EPM2A: variants seen among roughly 807,000 people sequenced by gnomAD.
EPM2A encodes laforin.
A neutral mutation model predicts 26.5 loss-of-function variants in EPM2A; 21 were observed. That is an observed-to-expected ratio of 0.79 (90% CI 0.56 to 1.14). EPM2A has a LOEUF of 1.14. EPM2A is among the 50% of genes most tolerant of loss of function. EPM2A has a pLI of 0.00. For missense variants in EPM2A, 458 were observed against 440.8 expected (o/e 1.04, Z -0.35); for synonymous variants, 217 against 177.6 (o/e 1.22, Z -1.76).
intron 4 of EPM2A, among the ~76,000 whole-genome samples, chr6:145,441,205 G>T (rs568760121): frequency 9.9e-5 from 15 of 152,176 alleles, no homozygotes; most frequent in African/African-American, 3.4e-4. Flanking sequence ...AAGGCTTGGC[G>T]CTTGCACCCT....
At chr6:145,670,849 A>C (rs1220674294) in intron 2 of EPM2A, 1 of 944,972 alleles carries the variant, frequency 1.1e-6, no homozygotes, top group African/African-American at 1.8e-5. Flanking sequence ...ATTCAGATAG[A>C]AAAAAGGTAC....
chr6:145,660,124 T>C (rs1440825623), intron 2 of EPM2A, among the ~76,000 whole-genome samples: 1 of 152,214 alleles, frequency 6.6e-6, no homozygotes. Flanking sequence ...ATATTTTATT[T>C]GTCTCTAGCA....
At chr6:145,592,103 T>G (rs1243969312) in intron 2 of EPM2A, among the ~76,000 whole-genome samples, 1 of 151,756 alleles carries the variant, frequency 6.6e-6, no homozygotes, top group Non-Finnish European at 1.5e-5. Flanking sequence ...GTTGGTGTGC[T>G]GCACCCGTTA....
rs913669687 is a variant in EPM2A, at chr6:145,396,715, A to G, written c.556-12618T>C. 3.3e-5 allele frequency among the ~76,000 whole-genome samples: 5 copies of G among 152,186 alleles called. No individual in the cohort carries two copies. The South Asian group carries it at 1.0e-3, about 32-fold the overall frequency. On this transcript the variant is annotated intron_variant, in intron 4 of 4. Coordinates refer to the EPM2A transcript ENST00000638717. ...TTAACTTTCACTTCCCTTCACTGTA[A>G]TGGCAAGTTGATTTCATTCTGTTAT...
intron 4 of EPM2A, among the ~76,000 whole-genome samples, chr6:145,477,150 G>T (rs762932182): frequency 9.9e-5 from 15 of 151,746 alleles, no homozygotes; most frequent in Non-Finnish European, 2.1e-4. Flanking sequence ...ATCATTAGAG[G>T]CTACTATGAG....
intron 2 of EPM2A, chr6:145,637,154 T>C (rs1376147593): frequency 6.6e-6 from 1 of 152,240 alleles, no homozygotes; most frequent in Non-Finnish European, 1.5e-5. Flanking sequence ...TGTGTAGCTA[T>C]AGTGATTTAC....
chr6:145,602,499 C>T (rs957653231), intron 2 of EPM2A, among the ~76,000 whole-genome samples: 8 of 152,168 alleles, frequency 5.3e-5, no homozygotes, highest in African/African-American at 1.9e-4. Flanking sequence ...TGGTGGTGCC[C>T]CTACAAGACA....
In EPM2A at chr6:145,626,846, T is replaced by G. The variant is rs535638771; in HGVS notation, c.*570A>C. 4 of 988,650 alleles carry G rather than the reference T, an allele frequency of 4.0e-6. No individual in the cohort carries two copies. Among genetic ancestry groups the G allele is most frequent in the Non-Finnish European group, 3.6e-6 (3 of 831,894 alleles). The allele number at this position is 988,650 out of a possible 1,614,324, so 61.2% of individuals were successfully genotyped here. ...AGGGTTGTTGGGTAGAGAAGGAAGG[T>G]GATGCCTTGGAACAGACTTTAACAA... is the stretch of plus-strand genomic sequence containing the variant. On this transcript the variant is annotated 3_prime_UTR_variant, in exon 4 of 4. Coordinates refer to ENST00000367519, the MANE Select transcript of EPM2A (RefSeq NM_005670.4).
At chr6:145,676,359 A>G (rs1780038311) in intron 2 of EPM2A, among the ~76,000 whole-genome samples, 2 of 152,338 alleles carry the variant, frequency 1.3e-5, no homozygotes, top group African/African-American at 2.4e-5. Flanking sequence ...CATCACAATT[A>G]AAAGAACTGT....
intron 2 of EPM2A, among the ~76,000 whole-genome samples, chr6:145,649,777 C>T (rs1777743171): frequency 6.6e-6 from 1 of 152,180 alleles, no homozygotes; most frequent in Non-Finnish European, 1.5e-5. Flanking sequence ...GCTACTTTCC[C>T]ACTGCAAAGA....
intron 2 of EPM2A, among the ~76,000 whole-genome samples, chr6:145,540,125 G>GC (rs1227992478): frequency 5.9e-5 from 9 of 152,120 alleles, no homozygotes; most frequent in Non-Finnish European, 1.5e-5. Flanking sequence ...TTCTCCTGTG[G>GC]CCCCCATGGC....
At chr6:145,447,983 A>G (rs1779147448) in intron 4 of EPM2A, among the ~76,000 whole-genome samples, 1 of 152,128 alleles carries the variant, frequency 6.6e-6, no homozygotes, top group Non-Finnish European at 1.5e-5. Context: ...TTGATAAACT[A>G]TTGGAATCAA....
At chr6:145,488,456 T>C (rs1249786408) in intron 4 of EPM2A, among the ~76,000 whole-genome samples, 1 of 151,742 alleles carries the variant, frequency 6.6e-6, no homozygotes. Context: ...GAGTATGGAA[T>C]GTTTTCCCAT....
rs1562488913 is a variant in EPM2A at position 145,686,370 on chromosome 6, C to A, written c.302-74G>T. The A allele has an allele frequency of 1.1e-5, 13 of 1,182,090 alleles. 1 individual carries two copies. Among genetic ancestry groups the A allele is most frequent in the South Asian group, 1.2e-5 (1 of 80,408 alleles). The allele number at this position is 1,182,090 out of a possible 1,614,324, so 73.2% of individuals were successfully genotyped here. On this transcript the variant is annotated intron_variant, in intron 1 of 3. Transcript: ENST00000367519. ...TTAAATATCCTCAAAGCAGCTGATA[C>A]AAAATTAATAGCAAGAAAAAAATAA...
chr6:145,734,701 A>C (rs1776719724), intron 1 of EPM2A: 1 of 152,172 alleles, frequency 6.6e-6, no homozygotes, highest in African/African-American at 2.4e-5. Flanking sequence ...AGTGAATTAG[A>C]GCAGGAAAAT....
chr6:145,546,341 A>G (rs999287279), intron 2 of EPM2A, among the ~76,000 whole-genome samples: 3 of 152,108 alleles, frequency 2.0e-5, no homozygotes, highest in African/African-American at 4.8e-5. Flanking sequence ...GAGAGAAAGA[A>G]AAAAAAGTTC....
chr6:145,488,522 TGAGAGA>T (rs200590979), intron 4 of EPM2A, among the ~76,000 whole-genome samples: 2,332 of 139,954 alleles, frequency 0.017, 28 homozygotes, highest in Admixed American at 0.04. Flanking sequence ...TGTGTGTGTG[TGAGAGA>T]GAGAGAGAGA....
chr6:145,522,905 G>C (rs893400063), intron 2 of EPM2A, among the ~76,000 whole-genome samples: 1 of 151,954 alleles, frequency 6.6e-6, no homozygotes. Flanking sequence ...TTCCAAGAAT[G>C]CTCATCCTAT....
intron 2 of EPM2A, among the ~76,000 whole-genome samples, chr6:145,590,790 T>C (rs561665516): frequency 7.6e-4 from 116 of 152,080 alleles, no homozygotes; most frequent in Non-Finnish European, 1.3e-3. Context: ...CACAGTTCCT[T>C]TTACCCAATA....
Sources: gnomAD v4.1 joint callset for allele counts (sites outside exome capture counted in the v4.1 genomes callset) on GRCh38, gnomAD v4.1.1 for gene constraint, MANE v1.5 for transcripts, NCBI Gene and HGNC (gene_info 2026-07-23, HGNC 2026-07-21) for gene names.